Variants in DGLUCY observed in about 807,000 individuals in gnomAD.
The protein encoded by DGLUCY is D-glutamate cyclase, mitochondrial.
DGLUCY carries 58 observed loss-of-function variants against 58.5 expected under a neutral mutation model. The ratio of observed to expected loss-of-function variants is 0.99; its 90% CI spans 0.80 to 1.23. The LOEUF is 1.23. Ranked by LOEUF, DGLUCY falls within the 50% of genes most tolerant of loss-of-function variation. DGLUCY has a pLI of 0.00. For missense variants in DGLUCY, 779 were observed against 784.7 expected (o/e 0.99, Z 0.09); for synonymous variants, 325 against 314.1 (o/e 1.03, Z -0.37).
In DGLUCY at chr14:91,181,354, T is replaced by C. The variant is rs1166191979; in HGVS notation, c.899T>C (p.Ile300Thr). Residue 300 changes from isoleucine to threonine, a missense_variant, in exon 8 of 14, where the codon ATC (isoleucine) becomes ACC (threonine). By Grantham distance (89) the Ile-to-Thr change is moderately conservative. Coordinates refer to ENST00000256324, the MANE Select transcript of DGLUCY (RefSeq NM_001102368.3). ...SIASVSASQK[I>T]RELESMIGID... Reference sequence around the variant, plus strand: ...GCGTCAGTCTCTGCTTCTCAGAAGATCAGAGAACTAGAGTCTATGATCGGC... The same window carrying C: ...GCGTCAGTCTCTGCTTCTCAGAAGACCAGAGAACTAGAGTCTATGATCGGC... 7.4e-6 allele frequency: 12 copies of C among 1,613,856 alleles called. No individual in the cohort carries two copies. The highest frequency in any genetic ancestry group is 1.7e-5 in the Admixed American group (1 of 59,994).
At chr14:91,148,299 G>C (rs2047121765) in intron 1 of DGLUCY, among the ~76,000 whole-genome samples, 1 of 151,464 alleles carries the variant, frequency 6.6e-6, no homozygotes, top group Non-Finnish European at 1.5e-5. Context: ...CCACCCCCAA[G>C]GCTCAAGCGA....
chr14:91,077,577 C>A (rs1566932109), intron 1 of DGLUCY, among the ~76,000 whole-genome samples: 1 of 151,674 alleles, frequency 6.6e-6, no homozygotes, highest in East Asian at 1.9e-4. Flanking sequence ...CATGGTGAAA[C>A]CCCGTCTCTA....
intron 1 of DGLUCY, among the ~76,000 whole-genome samples, chr14:91,133,575 G>A (rs535161725): frequency 3.3e-5 from 5 of 151,954 alleles, no homozygotes; most frequent in Non-Finnish European, 4.4e-5. Context: ...TTTTTCTAGA[G>A]ATGGGGTCTT....
intron 9 of DGLUCY, among the ~76,000 whole-genome samples, chr14:91,192,644 AC>A (rs1258226498): frequency 6.6e-6 from 1 of 152,070 alleles, no homozygotes; most frequent in African/African-American, 2.4e-5. Flanking sequence ...TACTAAAAAT[AC>A]AAAAATTAGC....
chr14:91,199,860 G>C lies in DGLUCY; in HGVS notation c.1399G>C (p.Asp467His). The C allele has an allele frequency of 6.2e-7, 1 of 1,614,134 alleles. No homozygotes were observed. The highest frequency in any genetic ancestry group is 8.5e-7 in the Non-Finnish European group (1 of 1,180,022). ...CAAGCACTTGGTTGACCCCATTGAC[G>C]ATCTTTTTCTTGCTGCGAAGAAGAT... The part of the protein sequence containing the change: ...NIKHLVDPID[D>H]LFLAAKKIPG... The change falls in exon 11 of 14, where the codon GAT (aspartate) becomes CAT (histidine). Residue 467 changes from aspartate (D) to histidine (H), a missense_variant. By Grantham distance (81) the Asp-to-His change is moderately conservative. Transcript: ENST00000256324.
upstream of DGLUCY, among the ~76,000 whole-genome samples, chr14:91,104,064 T>TTTTTTTTTTTTC (rs57003921): frequency 0.78 from 88,193 of 113,540 alleles, 34,528 homozygotes; most frequent in East Asian, 0.98. Context: ...AAACATTCTT[T>TTTTTTTTTTTTC]TTTTTTTTTT....
chr14:91,110,358 C>T (rs973931526), upstream of DGLUCY, among the ~76,000 whole-genome samples: 1 of 151,806 alleles, frequency 6.6e-6, no homozygotes, highest in African/African-American at 2.4e-5. Flanking sequence ...GGGCATGTTG[C>T]AAGCCCTGCT....
chr14:91,176,287 G>A (rs761328379), intron 7 of DGLUCY, among the ~76,000 whole-genome samples: 5 of 152,044 alleles, frequency 3.3e-5, no homozygotes, highest in Non-Finnish European at 5.9e-5. Flanking sequence ...GTGCTGTGGT[G>A]CAATCTCGGT....
intron 1 of DGLUCY, among the ~76,000 whole-genome samples, chr14:91,068,129 CAGAG>C (rs2043858793): frequency 6.6e-6 from 1 of 151,174 alleles, no homozygotes; most frequent in Non-Finnish European, 1.5e-5. Context: ...CTTGCATTCA[CAGAG>C]AGACAGTCTT....
chr14:91,114,593 T>G (rs1374640893), intron 1 of DGLUCY: 1 of 152,244 alleles, frequency 6.6e-6, no homozygotes, highest in Non-Finnish European at 1.5e-5. Context: ...GTCACTGCCC[T>G]TGAGAACTCC....
intron 1 of DGLUCY, chr14:91,108,085 C>G (rs2044621653): frequency 6.5e-6 from 1 of 152,742 alleles, no homozygotes; most frequent in Non-Finnish European, 1.5e-5. Flanking sequence ...CGGGGTTGGT[C>G]TTCTGTGGGG....
At chr14:91,221,827 T>G (rs946806173) in intron 13 of DGLUCY, among the ~76,000 whole-genome samples, 1 of 152,144 alleles carries the variant, frequency 6.6e-6, no homozygotes, top group Non-Finnish European at 1.5e-5. Flanking sequence ...TACATAAGTA[T>G]ACACCCTTGC....
intron 13 of DGLUCY, chr14:91,220,911 C>T (rs756574997): frequency 2.9e-6 from 1 of 349,252 alleles, no homozygotes; most frequent in Non-Finnish European, 5.7e-6. Flanking sequence ...GAAGCTGATG[C>T]CTGGGCAGGA....
chr14:91,199,966 T>G, intron 11 of DGLUCY, 61 bp downstream of exon 11: 1 of 1,600,776 alleles, frequency 6.2e-7, no homozygotes, highest in Non-Finnish European at 8.5e-7. Flanking sequence ...CTTTTGTTGT[T>G]GTTGTTGTTA....
intron 7 of DGLUCY, among the ~76,000 whole-genome samples, chr14:91,178,134 A>G (rs188456858): frequency 6.6e-6 from 1 of 151,934 alleles, no homozygotes; most frequent in Admixed American, 6.5e-5. Flanking sequence ...AACAAATGAC[A>G]TCAGAGAGGG....
At chr14:91,142,779 C>T (rs1475045995) in intron 1 of DGLUCY, among the ~76,000 whole-genome samples, 1 of 146,246 alleles carries the variant, frequency 6.8e-6, no homozygotes, top group African/African-American at 2.5e-5. Context: ...GTCTGGGCAA[C>T]ATGGTGACAC....
At chr14:91,145,494 G>T (rs1478146678) in intron 1 of DGLUCY, among the ~76,000 whole-genome samples, 7 of 152,146 alleles carry the variant, frequency 4.6e-5, no homozygotes, top group Non-Finnish European at 8.8e-5. Flanking sequence ...GGAGGGAGGG[G>T]TCCACTTGTG....
intron 1 of DGLUCY, among the ~76,000 whole-genome samples, chr14:91,140,248 A>G (rs2046582931): frequency 6.6e-6 from 1 of 152,012 alleles, no homozygotes; most frequent in African/African-American, 2.4e-5. Flanking sequence ...AAAATGTAAA[A>G]CCTATTCTTA....
intron 8 of DGLUCY, among the ~76,000 whole-genome samples, chr14:91,183,628 C>T (rs139419318): frequency 3.3e-5 from 5 of 152,272 alleles, no homozygotes; most frequent in East Asian, 1.9e-4. Flanking sequence ...TGCGTTTCAT[C>T]TTATTAAATT....
Sources: allele counts gnomAD v4.1 joint callset (sites outside exome capture counted in the v4.1 genomes callset), GRCh38; gene constraint gnomAD v4.1.1; transcripts MANE v1.5; gene names NCBI Gene and HGNC (gene_info 2026-07-23, HGNC 2026-07-21).